The following ANO10 variants were observed in gnomAD, a reference collection of about 807,000 sequenced individuals.
ANO10 encodes the protein anoctamin-10.
In ANO10, 77 loss-of-function variants were observed where a neutral mutation model predicts 74.7. The observed-to-expected ratio is 1.03, with a 90% confidence interval of 0.86 to 1.25. The LOEUF is 1.25. Among genes scored for constraint, ANO10 ranks in the 50% most tolerant of loss-of-function variants. The probability of loss-of-function intolerance (pLI) is 0.00; values close to 1 mark genes in which losing one functional copy is unlikely to be tolerated. For missense variants in ANO10, 721 were observed against 778.1 expected (o/e 0.93, Z 0.87); for synonymous variants, 279 against 284.9 (o/e 0.98, Z 0.21).
chr3:43,653,443 AATAGGATTCTT>A (rs1297934271), intron 1 of ANO10, among the ~76,000 whole-genome samples: 1 of 152,250 alleles, frequency 6.6e-6, no homozygotes, highest in African/African-American at 2.4e-5. Flanking sequence ...TAGGTGGGAA[AATAGGATTCTT>A]ATATGCTTCT....
intron 11 of ANO10, among the ~76,000 whole-genome samples, chr3:43,479,776 G>T (rs1448775079): frequency 6.6e-6 from 1 of 152,100 alleles, no homozygotes; most frequent in East Asian, 1.9e-4. Context: ...AGAACCCCAG[G>T]AGATAGAGCC....
intron 7 of ANO10, among the ~76,000 whole-genome samples, chr3:43,570,992 AAAAC>A (rs1340961731): frequency 2.0e-5 from 3 of 149,746 alleles, no homozygotes; most frequent in Non-Finnish European, 2.9e-5. Flanking sequence ...TTACAAGAAA[AAAAC>A]AAACAACCCC....
At chr3:43,381,298 G>A (rs933843985) in intron 12 of ANO10, among the ~76,000 whole-genome samples, 1 of 152,080 alleles carries the variant, frequency 6.6e-6, no homozygotes, top group Non-Finnish European at 1.5e-5. Flanking sequence ...CACCAACCAA[G>A]TATCTGCTGC....
intron 11 of ANO10, among the ~76,000 whole-genome samples, chr3:43,476,929 G>C (rs1435240441): frequency 1.3e-5 from 2 of 151,776 alleles, no homozygotes; most frequent in East Asian, 3.9e-4. Context: ...ATTCAATGCA[G>C]GCAGATCTCC....
At chr3:43,388,699 GAT>G (rs750749133) in intron 12 of ANO10, among the ~76,000 whole-genome samples, 6 of 152,146 alleles carry the variant, frequency 3.9e-5, no homozygotes, top group Non-Finnish European at 5.9e-5. Context: ...ACCAAACTTA[GAT>G]ATGTTACTGA....
intron 2 of ANO10, among the ~76,000 whole-genome samples, chr3:43,603,200 G>C (rs1216563448): frequency 6.6e-6 from 1 of 152,112 alleles, no homozygotes; most frequent in East Asian, 1.9e-4. Flanking sequence ...TCTGCCAACT[G>C]TCTCTCTCCT....
intron 1 of ANO10, among the ~76,000 whole-genome samples, chr3:43,649,986 A>AGCCTTGCTGTCCCATGTACGGC (rs1260769042): frequency 6.6e-6 from 1 of 152,104 alleles, no homozygotes; most frequent in Non-Finnish European, 1.5e-5. Flanking sequence ...GCACTCTTTT[A>AGCCTTGCTGTCCCATGTACGGC]GCCTTGCTGT....
chr3:43,444,980 A>G (rs2093221537), intron 11 of ANO10, among the ~76,000 whole-genome samples: 1 of 151,954 alleles, frequency 6.6e-6, no homozygotes, highest in Admixed American at 6.6e-5. Flanking sequence ...AAAATTAGCC[A>G]GGCCTGGTGA....
chr3:43,582,662 T>C (rs1305367801), intron 4 of ANO10, among the ~76,000 whole-genome samples: 1 of 152,232 alleles, frequency 6.6e-6, no homozygotes, highest in Non-Finnish European at 1.5e-5. Context: ...CTTCCCACAA[T>C]TATATTTTCA....
At chr3:43,655,816 T>G (rs1158388640) in intron 1 of ANO10, among the ~76,000 whole-genome samples, 91 of 120,198 alleles carry the variant, frequency 7.6e-4, no homozygotes, top group African/African-American at 2.8e-3. Context: ...CCGATTGGTG[T>G]ATTTACAATC....
At chr3:43,521,724 A>C (rs886211417) in intron 11 of ANO10, among the ~76,000 whole-genome samples, 2 of 152,220 alleles carry the variant, frequency 1.3e-5, no homozygotes, top group Non-Finnish European at 2.9e-5. Flanking sequence ...TGCTACGGAA[A>C]ACAGTTTGGA....
intron 11 of ANO10, among the ~76,000 whole-genome samples, chr3:43,492,938 C>T (rs2076779904): frequency 6.6e-6 from 1 of 152,130 alleles, no homozygotes; most frequent in Non-Finnish European, 1.5e-5. Flanking sequence ...CATTACTGGG[C>T]ATATGCCCAA....
At chr3:43,573,315 A>G (rs1411025112) in intron 7 of ANO10, among the ~76,000 whole-genome samples, 8 of 152,108 alleles carry the variant, frequency 5.3e-5, no homozygotes, top group African/African-American at 1.2e-4. Flanking sequence ...CTATTGCCCA[A>G]TTGTTGAATT....
At chr3:43,554,195 T>C (rs1455862360) in intron 10 of ANO10, among the ~76,000 whole-genome samples, 3 of 149,738 alleles carry the variant, frequency 2.0e-5, no homozygotes, top group African/African-American at 7.3e-5. Flanking sequence ...TCTTTTTTTT[T>C]TTTTTTTTCT....
chr3:43,372,795 G>C lies in ANO10; in HGVS notation c.1915-5821C>G, dbSNP rs969767675. Reference sequence around the variant, plus strand: ...AGGACCTATGACAGTGCCTGGCACTGAGTTGGTGCTCCATGAATACCGTGG... The same window carrying C: ...AGGACCTATGACAGTGCCTGGCACTCAGTTGGTGCTCCATGAATACCGTGG... On this transcript the variant is annotated intron_variant, in intron 12 of 12. Coordinates refer to ENST00000292246, the MANE Select transcript of ANO10 (RefSeq NM_018075.5). The C allele has an allele frequency of 5.2e-6, 8 of 1,525,784 alleles. No homozygotes were observed. The South Asian group carries it at 9.5e-5, about 18-fold the overall frequency. The allele number at this position is 1,525,784 out of a possible 1,614,324, so 94.5% of individuals were successfully genotyped here. A position where few individuals can be genotyped will look rare whatever the true frequency, so the allele number is the denominator to read the frequency against.
At chr3:43,516,992 A>C (rs1474806456) in intron 11 of ANO10, among the ~76,000 whole-genome samples, 31 of 152,138 alleles carry the variant, frequency 2.0e-4, no homozygotes. Context: ...CAGGGCCAGC[A>C]GGGAGATGCA....
At chr3:43,645,470 A>C (rs2083717006) in intron 1 of ANO10, among the ~76,000 whole-genome samples, 1 of 150,930 alleles carries the variant, frequency 6.6e-6, no homozygotes, top group African/African-American at 2.4e-5. Flanking sequence ...GCCTGGCGAC[A>C]GAGTGAGACT....
intron 1 of ANO10, among the ~76,000 whole-genome samples, chr3:43,606,952 T>G (rs1230578527): frequency 1.3e-5 from 2 of 152,138 alleles, no homozygotes; most frequent in Non-Finnish European, 2.9e-5. Context: ...ATTCCACACG[T>G]AAGTACTTAG....
intron 7 of ANO10, among the ~76,000 whole-genome samples, chr3:43,572,480 T>G (rs1286373265): frequency 1.3e-5 from 2 of 152,140 alleles, no homozygotes; most frequent in Non-Finnish European, 2.9e-5. Flanking sequence ...GTACCTGAGA[T>G]TCTCTCTATC....
Sources: gnomAD v4.1 joint callset for allele counts (sites outside exome capture counted in the v4.1 genomes callset) on GRCh38, gnomAD v4.1.1 for gene constraint, MANE v1.5 for transcripts, NCBI Gene and HGNC (gene_info 2026-07-23, HGNC 2026-07-21) for gene names.